NUDT13: variants seen among roughly 807,000 people sequenced by gnomAD.
NUDT13 encodes the protein NAD(P)H pyrophosphatase NUDT13, mitochondrial.
A neutral mutation model predicts 41.7 loss-of-function variants in NUDT13; 40 were observed. The observed-to-expected ratio is 0.96, with a 90% CI of 0.75 to 1.25. The LOEUF is 1.25. NUDT13 is among the 50% of genes most tolerant of loss of function. NUDT13 has a pLI of 0.00. For missense variants in NUDT13, 390 were observed against 416.1 expected, an observed-to-expected ratio of 0.94 and a Z score of 0.55; for synonymous variants, 145 against 155.5, an observed-to-expected ratio of 0.93 and a Z score of 0.50.
intron 2 of NUDT13, chr10:73,119,338 C>A: frequency 4.9e-6 from 1 of 204,206 alleles, no homozygotes; most frequent in Non-Finnish European, 8.6e-6. Context: ...GCTACCACGC[C>A]CGGCCAGGTG....
chr10:73,117,557 C>CAA (rs75939322), intron 2 of NUDT13, among the ~76,000 whole-genome samples: 295 of 49,902 alleles, frequency 5.9e-3, no homozygotes, highest in African/African-American at 0.021. Flanking sequence ...AACTCAGTCT[C>CAA]AAAAAAAAAA....
At chr10:73,122,830 C>T (rs947502266) in intron 4 of NUDT13, among the ~76,000 whole-genome samples, 1 of 151,752 alleles carries the variant, frequency 6.6e-6, no homozygotes, top group Non-Finnish European at 1.5e-5. Context: ...AATCCTCCCT[C>T]CTTGGCCTCC....
In NUDT13 at chr10:73,125,154, T is replaced by G; in HGVS notation, c.502T>G (p.Phe168Val). The G allele has an allele frequency of 6.2e-7, 1 of 1,613,332 alleles. No individual in the cohort carries two copies. The highest frequency in any genetic ancestry group is 8.5e-7 in the Non-Finnish European group (1 of 1,179,806). The change falls in exon 6 of 9, where the codon TTC becomes GTC. Residue 168 changes from phenylalanine to valine, a missense_variant. Coordinates refer to ENST00000357321, the MANE Select transcript of NUDT13 (RefSeq NM_015901.6). ...ALLRWHDAHQ[F>V]CSRSGQPTKK... ...TCTCCGCTGGCATGATGCTCATCAG[T>G]TCTGCAGCAGAAGTGGGCAGCCCAC... is the stretch of plus-strand genomic sequence containing the variant.
chr10:73,120,772 C>T (rs1320973179), intron 3 of NUDT13, among the ~76,000 whole-genome samples: 19 of 151,894 alleles, frequency 1.3e-4, no homozygotes, highest in Non-Finnish European at 4.4e-5. Context: ...CCCGTCTCTA[C>T]TAAAAATACA....
At chr10:73,117,226 A>G (rs180947378) in intron 2 of NUDT13, among the ~76,000 whole-genome samples, 223 of 152,044 alleles carry the variant, frequency 1.5e-3, no homozygotes, top group African/African-American at 5.1e-3. Context: ...AAATTTAAGT[A>G]TGTTAAAGTG....
intron 1 of NUDT13, among the ~76,000 whole-genome samples, chr10:73,112,157 C>T (rs1564646631): frequency 2.6e-5 from 4 of 152,052 alleles, no homozygotes. Flanking sequence ...TCGAGACCAG[C>T]CTGACCAACA....
chr10:73,123,046 A>G (rs975953396), intron 4 of NUDT13, among the ~76,000 whole-genome samples: 1 of 151,538 alleles, frequency 6.6e-6, no homozygotes, highest in African/African-American at 2.4e-5. Flanking sequence ...GATTACAGGC[A>G]CGTGCCACCA....
At chr10:73,116,985 A>C (rs1842530358) in intron 2 of NUDT13, among the ~76,000 whole-genome samples, 1 of 137,304 alleles carries the variant, frequency 7.3e-6, no homozygotes, top group South Asian at 2.4e-4. Flanking sequence ...TCATGGGTTC[A>C]AGTGATTCTC....
chr10:73,122,162 TTC>T lies in NUDT13; in HGVS notation c.224-11_224-10del. ...GTGTTTTGCTTTTCTCCCTTCCCCT[TTC>T]TGTTTCTTAGAGTTGGAAAGGCTCC... On this transcript the variant is annotated splice_polypyrimidine_tract_variant and intron_variant, in intron 3 of 8. Coordinates refer to ENST00000357321, the MANE Select transcript of NUDT13 (RefSeq NM_015901.6). 2.5e-6 allele frequency: 4 copies of T among 1,610,340 alleles called. No individual in the cohort carries two copies. In the South Asian group the frequency reaches 4.4e-5, roughly 18 times the overall value.
intron 1 of NUDT13, among the ~76,000 whole-genome samples, chr10:73,113,380 T>C (rs1357204084): frequency 1.3e-5 from 2 of 152,230 alleles, no homozygotes; most frequent in Admixed American, 6.5e-5. Flanking sequence ...GTTTACATTC[T>C]GAGTGGTGTA....
chr10:73,122,875 C>A (rs1168031032), intron 4 of NUDT13, among the ~76,000 whole-genome samples: 1 of 150,844 alleles, frequency 6.6e-6, no homozygotes, highest in Admixed American at 6.6e-5. Context: ...AGCCACCACA[C>A]CTGGCCTATA....
At chr10:73,120,291 G>C (rs981723660) in intron 3 of NUDT13, 134 bp downstream of exon 3, 4 of 745,534 alleles carry the variant, frequency 5.4e-6, no homozygotes, top group Non-Finnish European at 8.2e-6. Flanking sequence ...TCTCATGCTT[G>C]TATAACTGCT....
At chr10:73,123,574 A>G (rs1842697984) in intron 4 of NUDT13, among the ~76,000 whole-genome samples, 1 of 152,194 alleles carries the variant, frequency 6.6e-6, no homozygotes, top group African/African-American at 2.4e-5. Flanking sequence ...TAAAACAAAA[A>G]TAGAGATTGC....
chr10:73,115,700 T>C (rs1842490197), intron 2 of NUDT13, among the ~76,000 whole-genome samples: 1 of 152,200 alleles, frequency 6.6e-6, no homozygotes, highest in Admixed American at 6.5e-5. Context: ...GTTAAAATTA[T>C]ATTGTTCTAT....
chr10:73,124,809 T>C (rs553129800), intron 5 of NUDT13: 1 of 245,602 alleles, frequency 4.1e-6, no homozygotes. Flanking sequence ...TCAACTGTAC[T>C]GGGAATGTTT....
At chr10:73,110,852 A>G (rs80084952) in intron 1 of NUDT13, among the ~76,000 whole-genome samples, 7,285 of 151,900 alleles carry the variant, frequency 0.048, 548 homozygotes, top group African/African-American at 0.16. Context: ...ATTTTTTTTT[A>G]AAGGAGGGAA....
rs1238768987 is a variant in NUDT13 at position 73,114,383 on chromosome 10, A to C, written c.18A>C (p.Gly6=). Residue 6 remains glycine (G), a synonymous_variant, in exon 2 of 9, where the codon GGA becomes GGC. Transcript: ENST00000357321. MSLYC[G]IACRRKFFWC... is the part of the protein sequence containing the mutation. ...ACCTGACAATGTCCCTGTATTGTGGAATAGCTTGCAGGAGAAAATTTTTTT... is the reference window on the plus strand; with the variant it reads ...ACCTGACAATGTCCCTGTATTGTGGCATAGCTTGCAGGAGAAAATTTTTTT... 41 of 1,584,596 alleles carry C rather than the reference A, an allele frequency of 2.6e-5. No homozygotes were observed. Among genetic ancestry groups the C allele is most frequent in the Non-Finnish European group, 3.5e-5 (41 of 1,160,176 alleles).
Position 73,124,085 on chromosome 10 carries a change from C to T in NUDT13, c.359-129C>T, listed in dbSNP as rs180829717. ...CTGAGTAGCTGGGACTACAGGCACA[C>T]GCCCCCCACACCTAGCTGAATCTTA... On this transcript the variant is annotated intron_variant, in intron 4 of 8. Transcript: ENST00000357321. 677 of 629,032 alleles carry T rather than the reference C, an allele frequency of 1.1e-3. 6 individuals carry two copies. The East Asian group carries it at 0.015, about 14-fold the overall frequency. 39.0% of individuals were successfully genotyped at this position (629,032 alleles called of 1,614,324 possible).
intron 8 of NUDT13, among the ~76,000 whole-genome samples, chr10:73,127,833 C>T (rs919096343): frequency 6.6e-6 from 1 of 150,694 alleles, no homozygotes. Context: ...AATTGTAGAC[C>T]TTATGGTGTA....
Sources: gnomAD v4.1 joint callset for allele counts (sites outside exome capture counted in the v4.1 genomes callset) on GRCh38, gnomAD v4.1.1 for gene constraint, MANE v1.5 for transcripts, NCBI Gene and HGNC (gene_info 2026-07-23, HGNC 2026-07-21) for gene names.